TNS1: variants seen among roughly 807,000 people sequenced by gnomAD.
TNS1 encodes tensin 1, also known as tensin-1.
In TNS1, 62 loss-of-function variants were observed where a neutral mutation model predicts 168.6. The observed-to-expected ratio is 0.37, with a 90% confidence interval of 0.30 to 0.45. TNS1 has a LOEUF of 0.45. Ranked by LOEUF, TNS1 falls within the 20% of genes least tolerant of loss-of-function variation. The probability of loss-of-function intolerance (pLI) is 1.00; values close to 1 mark genes in which losing one functional copy is unlikely to be tolerated. For missense variants in TNS1, 2,240 were observed against 2,339.4 expected (o/e 0.96, Z 0.88); for synonymous variants, 934 against 933.2 (o/e 1.00, Z -0.02).
intron 15 of TNS1, 29 bp downstream of exon 15, chr2:217,885,715 T>C: frequency 6.4e-7 from 1 of 1,561,626 alleles, no homozygotes; most frequent in Non-Finnish European, 8.6e-7. Context: ...TAAACAAGGA[T>C]GGGGCTTGAC....
intron 1 of TNS1, among the ~76,000 whole-genome samples, chr2:218,000,798 T>C (rs1958548810): frequency 6.6e-6 from 1 of 151,970 alleles, no homozygotes; most frequent in South Asian, 2.1e-4. Context: ...CTAGAAAGGA[T>C]GGGGACTAGG....
chr2:218,029,176 G>A (rs933968546), intron 1 of TNS1, among the ~76,000 whole-genome samples: 1 of 152,190 alleles, frequency 6.6e-6, no homozygotes, highest in African/African-American at 2.4e-5. Flanking sequence ...CCACTCCAAT[G>A]CAGGACTCCA....
intron 3 of TNS1, among the ~76,000 whole-genome samples, chr2:217,964,792 C>T (rs1047973451): frequency 3.9e-5 from 6 of 152,296 alleles, no homozygotes; most frequent in East Asian, 1.9e-4. Context: ...TTGGGTGCGC[C>T]GGGCCGCGCC....
At chr2:217,956,337 G>C (rs1052930813) in intron 3 of TNS1, among the ~76,000 whole-genome samples, 35 of 152,160 alleles carry the variant, frequency 2.3e-4, no homozygotes, top group African/African-American at 8.2e-4. Flanking sequence ...TCAGGGTGAA[G>C]GGCTGAGACC....
At chr2:217,845,124 T>C (rs1946472391) in intron 19 of TNS1, among the ~76,000 whole-genome samples, 2 of 152,184 alleles carry the variant, frequency 1.3e-5, no homozygotes, top group African/African-American at 4.8e-5. Flanking sequence ...CAAGGGTGAT[T>C]GGATCAAAGT....
chr2:217,897,783 A>G lies in TNS1; in HGVS notation c.543+15T>C. 1 of 1,580,440 alleles carries G rather than the reference A, an allele frequency of 6.3e-7. No homozygotes were observed. Among genetic ancestry groups the G allele is most frequent in the Non-Finnish European group, 8.6e-7 (1 of 1,163,308 alleles). ...TAGAGGGCACAGGACAGTGGGCACG[A>G]GGATCCATCCTCACCAGGTAGTTGC... is the stretch of plus-strand genomic sequence containing the variant. On this transcript the variant is annotated intron_variant, in intron 8 of 32. Coordinates refer to ENST00000682258, the MANE Select transcript of TNS1 (RefSeq NM_001387777.1).
chr2:217,803,976 C>T lies in TNS1; in HGVS notation c.*483G>A, dbSNP rs1398577916. 1 of 155,212 alleles carries T rather than the reference C, an allele frequency of 6.4e-6. No individual in the cohort carries two copies. The highest frequency in any genetic ancestry group is 2.4e-5 in the African/African-American group (1 of 41,444). The allele number at this position is 155,212 out of a possible 1,614,324, so 9.6% of individuals were successfully genotyped here. ...AAACAAGTTCTTCCACTTGATGTCCCACGGTGGCTCTGTTTGGTTTGACAA... is the reference window on the plus strand; with the variant it reads ...AAACAAGTTCTTCCACTTGATGTCCTACGGTGGCTCTGTTTGGTTTGACAA... On this transcript the variant is annotated 3_prime_UTR_variant, in exon 33 of 33. Coordinates refer to ENST00000682258, the MANE Select transcript of TNS1 (RefSeq NM_001387777.1).
intron 12 of TNS1, among the ~76,000 whole-genome samples, chr2:217,887,905 C>G (rs1454572053): frequency 2.0e-5 from 3 of 152,230 alleles, no homozygotes; most frequent in Admixed American, 6.5e-5. Flanking sequence ...CAAGCTGAGT[C>G]AGCTAGACCA....
rs201977904 is a variant in TNS1 at position 217,848,829 on chromosome 2, C to T, written c.1688G>A (p.Arg563Gln). Residue 563 changes from arginine (R) to glutamine (Q), a missense_variant, in exon 19 of 33, where the codon CGG (arginine) becomes CAG (glutamine). Transcript: ENST00000682258. ...GCCACTCAGCAGGCGGTCCAGCTCC[C>T]GCTTCTCCTGGGGACTCAAGGCAGC... ...ATAALSPQEK[R>Q]ELDRLLSGFG... 1,609 of 1,614,062 alleles carry T rather than the reference C, an allele frequency of 1.0e-3. 26 individuals are homozygous for T. The South Asian group carries it at 0.016, about 16-fold the overall frequency.
At chr2:217,963,612 T>A (rs558004297) in intron 3 of TNS1, among the ~76,000 whole-genome samples, 1 of 152,144 alleles carries the variant, frequency 6.6e-6, no homozygotes, top group East Asian at 1.9e-4. Context: ...ATAAGAATAA[T>A]TCCAGTGTTT....
intron 19 of TNS1, among the ~76,000 whole-genome samples, chr2:217,843,707 C>G (rs1027640613): frequency 6.6e-6 from 1 of 152,162 alleles, no homozygotes; most frequent in African/African-American, 2.4e-5. Context: ...AAACCCTTTA[C>G]CATCTTGACT....
chr2:218,005,076 G>T (rs546320734), upstream of TNS1, among the ~76,000 whole-genome samples: 3 of 152,284 alleles, frequency 2.0e-5, no homozygotes, highest in East Asian at 5.8e-4. Context: ...GGCTGCCCTT[G>T]TCCCCTGACA....
intron 6 of TNS1, among the ~76,000 whole-genome samples, chr2:217,901,519 C>T (rs188388233): frequency 8.5e-4 from 130 of 152,288 alleles, no homozygotes; most frequent in African/African-American, 3.1e-3. Flanking sequence ...TTCCAGTCAC[C>T]TCACAGGATG....
intron 21 of TNS1, 82 bp downstream of exon 21, chr2:217,835,009 G>T: frequency 7.6e-7 from 1 of 1,311,052 alleles, no homozygotes; most frequent in Non-Finnish European, 1.0e-6. Flanking sequence ...CAACCCTCAG[G>T]CCTGGGGCAC....
rs192246394 is a variant in TNS1, at chr2:217,818,062, G to A, written c.4270C>T (p.His1424Tyr). Residue 1424 changes from histidine to tyrosine, a missense_variant, in exon 24 of 33, where the codon CAT (histidine) becomes TAT (tyrosine). Physicochemically the swap from His to Tyr is moderately conservative, Grantham distance 83. Transcript: ENST00000682258. ...GTAGAATAGCCACCATAGGCCACAT[G>A]CCGGTCCAAGCAGGGGCTGCCGGGA... ...VVPGSPCLDR[H>Y]VAYGGYSTPE... 126 of 1,610,902 alleles carry A rather than the reference G, an allele frequency of 7.8e-5. 1 individual carries two copies. The East Asian group carries it at 2.2e-3, about 29-fold the overall frequency.
At chr2:217,814,713 G>A (rs1941589762) in intron 25 of TNS1, among the ~76,000 whole-genome samples, 199 bp downstream of exon 25, 1 of 152,202 alleles carries the variant, frequency 6.6e-6, no homozygotes, top group African/African-American at 2.4e-5. Context: ...CTTCCAAGAG[G>A]TGTCTACAAC....
intron 19 of TNS1, among the ~76,000 whole-genome samples, chr2:217,843,790 C>T (rs1946295775): frequency 6.6e-6 from 1 of 152,138 alleles, no homozygotes; most frequent in South Asian, 2.1e-4. Flanking sequence ...ACAGCCTCTA[C>T]CTCCCTTCAT....
chr2:217,805,575 C>T (rs1261924827), intron 32 of TNS1, among the ~76,000 whole-genome samples: 3 of 19,362 alleles, frequency 1.5e-4, no homozygotes, highest in Non-Finnish European at 2.4e-4. Flanking sequence ...CCACACACAC[C>T]ACACACACAA....
intron 18 of TNS1, among the ~76,000 whole-genome samples, chr2:217,869,856 G>A (rs1057500348): frequency 2.6e-5 from 4 of 152,086 alleles, no homozygotes; most frequent in African/African-American, 9.7e-5. Context: ...GGGACCCCCG[G>A]GGAACACCAG....
Sources: allele counts gnomAD v4.1 joint callset (sites outside exome capture counted in the v4.1 genomes callset), GRCh38; gene constraint gnomAD v4.1.1; transcripts MANE v1.5; gene names NCBI Gene and HGNC (gene_info 2026-07-23, HGNC 2026-07-21).